Variants in CACNA2D4 observed in about 807,000 individuals in gnomAD.
The protein encoded by CACNA2D4 is calcium voltage-gated channel auxiliary subunit alpha2delta 4, also known as voltage-dependent calcium channel subunit alpha-2/delta-4.
In CACNA2D4, 157 loss-of-function variants were observed where a neutral mutation model predicts 163.8. The ratio of observed to expected loss-of-function variants is 0.96; its 90% CI spans 0.84 to 1.09. The LOEUF is 1.09. CACNA2D4 is among the 50% of genes least tolerant of loss of function. The pLI, the probability that CACNA2D4 is intolerant of heterozygous loss-of-function variation, is 0.00. For missense variants in CACNA2D4, 1,410 were observed against 1,479.9 expected (o/e 0.95, Z 0.78); for synonymous variants, 598 against 586.9 (o/e 1.02, Z -0.27).
rs1865866992 is a variant in CACNA2D4 at position 1,875,643 on chromosome 12, C to T, written c.1720-306G>A. The stretch of plus-strand genomic sequence containing the variant: ...CTAATTGTTAGAAAGTTCCTCCTCA[C>T]ACAAAGCTGAAATCCATCTCCCTGT... On this transcript the variant is annotated intron_variant, in intron 16 of 37. Transcript: ENST00000382722. This position sits in a 1 kb window ranked among gnomAD's most constrained non-coding sequence, Gnocchi z 4.0. 6.6e-6 allele frequency among the ~76,000 whole-genome samples: 1 copy of T among 152,156 alleles called. No homozygotes were observed. The highest frequency in any genetic ancestry group is 1.5e-5 in the Non-Finnish European group (1 of 68,018).
At chr12:1,909,865 G>A (rs762612164) in intron 4 of CACNA2D4, 41 bp downstream of exon 4, 4 of 1,584,150 alleles carry the variant, frequency 2.5e-6, no homozygotes, top group African/African-American at 2.7e-5. Context: ...GTACTCAGGC[G>A]ATCCTGGCCC....
At chr12:1,842,113 C>T (rs1171695550) in intron 25 of CACNA2D4, among the ~76,000 whole-genome samples, 1 of 152,190 alleles carries the variant, frequency 6.6e-6, no homozygotes, top group Non-Finnish European at 1.5e-5. Context: ...TGTGGAGACC[C>T]TAATGAGGCA....
In CACNA2D4 at chr12:1,828,747, T is replaced by C. The variant is rs541423927; in HGVS notation, c.2551+11992A>G. ...CTAGTGGGCTCGTGGGATGCGGCGC[T>C]GGAAGAGACTTTGGGGAGTGGGTCC... On this transcript the variant is annotated intron_variant, in intron 26 of 37. Transcript: ENST00000382722. The surrounding 1 kb of genome is among the most constrained non-coding windows in gnomAD (Gnocchi z 4.2). Among the ~76,000 whole-genome samples, 1 of 152,284 alleles carries C rather than the reference T, an allele frequency of 6.6e-6. No individual in the cohort carries two copies. The highest frequency in any genetic ancestry group is 1.9e-4 in the East Asian group (1 of 5,180).
Position 1,835,000 on chromosome 12 carries a change from G to A in CACNA2D4, c.2551+5739C>T, listed in dbSNP as rs1199992463. ...AGCTCTGGCCACAGCAAAGCAAGGA[G>A]GTGTGTGCAAGAGGAGGCTTCCGGA... On this transcript the variant is annotated intron_variant, in intron 26 of 37. Transcript: ENST00000382722. The surrounding 1 kb of genome is among the most constrained non-coding windows in gnomAD (Gnocchi z 7.6). The A allele has an allele frequency of 6.0e-6, 3 of 496,682 alleles. No homozygotes were observed. The highest frequency in any genetic ancestry group is 3.3e-5 in the South Asian group (1 of 30,708). 30.8% of individuals were successfully genotyped at this position (496,682 alleles called of 1,614,324 possible).
rs138094351 is a variant in CACNA2D4 at position 1,794,487 on chromosome 12, G to A, written c.3310-728C>T. On this transcript the variant is annotated intron_variant, in intron 37 of 37. Coordinates refer to ENST00000382722, the MANE Select transcript of CACNA2D4 (RefSeq NM_172364.5). ...CAGGGCTCGGTCCCACAAGGTGGCC[G>A]TCACTTCAGATGCCAATCGCAAGCC... Among the ~76,000 whole-genome samples, 951 of 152,298 alleles carry A rather than the reference G, an allele frequency of 6.2e-3. 5 individuals carry two copies. The highest frequency in any genetic ancestry group is 0.011 in the Non-Finnish European group (754 of 68,014).
chr12:1,842,002 G>A lies in CACNA2D4; in HGVS notation c.2471-1183C>T, dbSNP rs563094034. On this transcript the variant is annotated intron_variant, in intron 25 of 37. Transcript: ENST00000382722. ...TCGAAGGTGGTGATGTGGCAGCCCC[G>A]ACAATATTCCCTGGGTCCCACAGCC... Among the ~76,000 whole-genome samples, 510 of 152,266 alleles carry A rather than the reference G, an allele frequency of 3.3e-3. 3 individuals are homozygous for A. Among genetic ancestry groups the A allele is most frequent in the Middle Eastern group, 0.014 (4 of 294 alleles).
intron 37 of CACNA2D4, 123 bp downstream of exon 37, chr12:1,795,176 A>C (rs777799109): frequency 5.2e-5 from 39 of 757,058 alleles, no homozygotes; most frequent in Non-Finnish European, 6.8e-5. Context: ...TTCCCCCGAG[A>C]AGCACAGGCA....
At chr12:1,863,502 C>A (rs1865569222) in intron 18 of CACNA2D4, among the ~76,000 whole-genome samples, 3 of 152,166 alleles carry the variant, frequency 2.0e-5, no homozygotes, top group African/African-American at 7.2e-5. Context: ...ATCTATAAAT[C>A]AATTTGGGGA....
Position 1,834,988 on chromosome 12 carries a change from G to C in CACNA2D4, c.2551+5751C>G, listed in dbSNP as rs772748843. ...GGGATCTCCCTAAGCTCTGGCCACAGCAAAGCAAGGAGGTGTGTGCAAGAG... is the reference window on the plus strand; with the variant it reads ...GGGATCTCCCTAAGCTCTGGCCACACCAAAGCAAGGAGGTGTGTGCAAGAG... On this transcript the variant is annotated intron_variant, in intron 26 of 37. Coordinates refer to ENST00000382722, the MANE Select transcript of CACNA2D4 (RefSeq NM_172364.5). The surrounding 1 kb of genome is among the most constrained non-coding windows in gnomAD (Gnocchi z 7.6). 3 of 536,316 alleles carry C rather than the reference G, an allele frequency of 5.6e-6. No homozygotes were observed. Among genetic ancestry groups the C allele is most frequent in the African/African-American group, 1.9e-5 (1 of 52,546 alleles). 33.2% of individuals were successfully genotyped at this position (536,316 alleles called of 1,614,324 possible).
intron 18 of CACNA2D4, among the ~76,000 whole-genome samples, chr12:1,870,623 G>GT (rs1352609080): frequency 6.6e-6 from 1 of 151,762 alleles, no homozygotes; most frequent in Non-Finnish European, 1.5e-5. Context: ...TTCCGTTTTT[G>GT]TTTTTTGTAT....
intron 18 of CACNA2D4, among the ~76,000 whole-genome samples, chr12:1,862,049 CAGT>C (rs1865536953): frequency 6.6e-6 from 1 of 152,202 alleles, no homozygotes; most frequent in Non-Finnish European, 1.5e-5. Context: ...GCTGTCCGTC[CAGT>C]AGTTTGTTCC....
At position 1,875,476 on chromosome 12, in the gene CACNA2D4, G is replaced by A; in HGVS notation, c.1720-139C>T. 1 of 636,606 alleles carries A rather than the reference G, an allele frequency of 1.6e-6. No individual in the cohort carries two copies. The highest frequency in any genetic ancestry group is 2.0e-5 in the South Asian group (1 of 50,142). The allele number at this position is 636,606 out of a possible 1,614,324, so 39.4% of individuals were successfully genotyped here. A position where few individuals can be genotyped will look rare whatever the true frequency, so the allele number is the denominator to read the frequency against. ...ATCAATCAATCCAGTAATTACTTAA[G>A]GTTATCTGGGCAAATTCCACCTGAT... On this transcript the variant is annotated intron_variant, in intron 16 of 37. Transcript: ENST00000382722. The surrounding 1 kb of genome is among the most constrained non-coding windows in gnomAD (Gnocchi z 4.0).
chr12:1,801,599 G>T lies in CACNA2D4; in HGVS notation c.2767C>A (p.Leu923Met). ...GEVDGAVLTQ[L>M]LSMGVFSQVT... ...TGGCTGAACACCCCCATGCTGAGCA[G>T]CTGGGTCAGGACAGCACCATCCACC... Residue 923 changes from leucine to methionine, a missense_variant, in exon 30 of 38, where the codon CTG (leucine) becomes ATG (methionine). Physicochemically the swap from Leu to Met is conservative, Grantham distance 15 (BLOSUM62 2). Coordinates refer to ENST00000382722, the MANE Select transcript of CACNA2D4 (RefSeq NM_172364.5). 6.3e-7 allele frequency: 1 copy of T among 1,591,550 alleles called. No homozygotes were observed. The highest frequency in any genetic ancestry group is 1.1e-5 in the South Asian group (1 of 87,282).
At position 1,854,052 on chromosome 12, in the gene CACNA2D4, C is replaced by A. The variant is rs1865348066; in HGVS notation, c.2153-8G>T. ...GGACCAGCTCCTCGTCACCTGGGTG[C>A]AAAACATCAGGGAACCAGGCCACAT... is the stretch of plus-strand genomic sequence containing the variant. On this transcript the variant is annotated splice_region_variant and splice_polypyrimidine_tract_variant and intron_variant, in intron 22 of 37. Transcript: ENST00000382722. The A allele has an allele frequency of 1.9e-6, 3 of 1,602,680 alleles. No individual in the cohort carries two copies. The highest frequency in any genetic ancestry group is 1.7e-6 in the Non-Finnish European group (2 of 1,173,382).
At position 1,883,428 on chromosome 12, in the gene CACNA2D4, C is replaced by T. The variant is rs1866054045; in HGVS notation, c.1352-428G>A. Among the ~76,000 whole-genome samples, 1 of 152,216 alleles carries T rather than the reference C, an allele frequency of 6.6e-6. No individual in the cohort carries two copies. ...GGCAGAGATTTCTGCCTCTCCGCTC[C>T]TCCTTCCTCTGGTCCTTGTTCTTGC... On this transcript the variant is annotated intron_variant, in intron 12 of 37. Transcript: ENST00000382722. The surrounding 1 kb of genome is among the most constrained non-coding windows in gnomAD (Gnocchi z 4.5).
chr12:1,885,900 G>C (rs1866127500), intron 9 of CACNA2D4, 65 bp downstream of exon 9: 4 of 1,197,484 alleles, frequency 3.3e-6, no homozygotes, highest in Admixed American at 1.9e-5. Flanking sequence ...AGTCTACAGA[G>C]ACAACCGCCC....
chr12:1,815,730 G>A (rs1049091276), intron 26 of CACNA2D4, among the ~76,000 whole-genome samples: 2 of 151,988 alleles, frequency 1.3e-5, no homozygotes, highest in African/African-American at 2.4e-5. Context: ...CCAGCTTCAG[G>A]GGCCTTGCTG....
rs537089104 is a variant in CACNA2D4, at chr12:1,856,304, C to T, written c.2009-75G>A. 9.3e-6 allele frequency: 14 copies of T among 1,498,744 alleles called. No homozygotes were observed. The East Asian group carries it at 2.5e-4, about 27-fold the overall frequency. The allele number at this position is 1,498,744 out of a possible 1,614,324, so 92.8% of individuals were successfully genotyped here. The stretch of plus-strand genomic sequence containing the variant: ...GTGTGTGTCTCAATTGTAGAAACAG[C>T]CACCCAGTGAGTTTCTAAAGAAAGG... On this transcript the variant is annotated intron_variant, in intron 20 of 37. Transcript: ENST00000382722.
chr12:1,866,863 G>A (rs1865662827), intron 18 of CACNA2D4, among the ~76,000 whole-genome samples: 1 of 151,520 alleles, frequency 6.6e-6, no homozygotes, highest in Non-Finnish European at 1.5e-5. Flanking sequence ...GAACTCCTGG[G>A]CTCAAGTGAT....
Sources: gnomAD v4.1 joint callset for allele counts (sites outside exome capture counted in the v4.1 genomes callset) on GRCh38, gnomAD v4.1.1 for gene constraint, Gnocchi (gnomAD v3.1) non-coding constraint, MANE v1.5 for transcripts, NCBI Gene and HGNC (gene_info 2026-07-23, HGNC 2026-07-21) for gene names.